FER: variants seen among roughly 807,000 people sequenced by gnomAD.
FER encodes the protein tyrosine-protein kinase Fer.
FER carries 63 observed loss-of-function variants against 111.0 expected under a neutral mutation model. The observed-to-expected ratio is 0.57, with a 90% CI of 0.46 to 0.70. The LOEUF (loss-of-function observed/expected upper bound fraction) is 0.70, where lower values mean the gene tolerates loss of function less well. Ranked by LOEUF, FER falls within the 30% of genes least tolerant of loss-of-function variation. The pLI, the probability that FER is intolerant of heterozygous loss-of-function variation, is 0.00. For missense variants in FER, 914 were observed against 954.0 expected (o/e 0.96, Z 0.55); for synonymous variants, 327 against 313.9 (o/e 1.04, Z -0.44).
intron 3 of FER, among the ~76,000 whole-genome samples, chr5:108,799,479 G>A (rs1259549929): frequency 6.6e-6 from 1 of 152,208 alleles, no homozygotes; most frequent in African/African-American, 2.4e-5. Flanking sequence ...TAAGAACCCA[G>A]TAATGTTCAT....
intron 17 of FER, among the ~76,000 whole-genome samples, chr5:109,106,027 A>G (rs149455696): frequency 2.0e-5 from 3 of 152,332 alleles, no homozygotes; most frequent in Admixed American, 6.5e-5. Flanking sequence ...CATATTAAAA[A>G]CAAGTGGTAG....
At chr5:108,873,146 T>C (rs2150251320) in intron 8 of FER, among the ~76,000 whole-genome samples, 1 of 152,264 alleles carries the variant, frequency 6.6e-6, no homozygotes, top group African/African-American at 2.4e-5. Context: ...TTTTTAATTT[T>C]ATTTCATTTT....
In FER at chr5:109,190,417, A is replaced by G. The variant is rs1168639706; in HGVS notation, c.*2842A>G. ...GTTCCTCTCATAAGTCCTTAAATTT[A>G]TTAAAAGGGGGAGGTAAACACAAGC... On this transcript the variant is annotated 3_prime_UTR_variant, in exon 20 of 20. Coordinates refer to ENST00000281092, the MANE Select transcript of FER (RefSeq NM_005246.4). 6.6e-6 allele frequency: 1 copy of G among 152,116 alleles called. No individual in the cohort carries two copies. Among genetic ancestry groups the G allele is most frequent in the South Asian group, 2.1e-4 (1 of 4,828 alleles). The allele number at this position is 152,116 out of a possible 1,614,324, so 9.4% of individuals were successfully genotyped here. A position where few individuals can be genotyped will look rare whatever the true frequency, so the allele number is the denominator to read the frequency against.
intron 13 of FER, among the ~76,000 whole-genome samples, chr5:108,968,826 C>G (rs569688014): frequency 6.6e-6 from 1 of 152,126 alleles, no homozygotes; most frequent in East Asian, 1.9e-4. Context: ...CTTCAATATA[C>G]AGTGTGCTAC....
chr5:109,030,191 T>A (rs578121225), intron 13 of FER, among the ~76,000 whole-genome samples: 1 of 152,320 alleles, frequency 6.6e-6, no homozygotes, highest in Non-Finnish European at 1.5e-5. Flanking sequence ...TCTGTTTCTA[T>A]GGCTGAGATA....
chr5:108,748,689 G>C (rs1750052009), intron 1 of FER: 1 of 152,326 alleles, frequency 6.6e-6, no homozygotes, highest in Admixed American at 6.5e-5. Context: ...CCCAGGGCCC[G>C]CAGCTTGGGC....
intron 13 of FER, among the ~76,000 whole-genome samples, chr5:108,999,036 C>T (rs1424032241): frequency 1.3e-5 from 2 of 151,946 alleles, no homozygotes; most frequent in African/African-American, 2.4e-5. Flanking sequence ...TATGAACTAA[C>T]TTTTAATTTT....
chr5:108,869,073 CAATAATGGAACACTAG>C (rs1764354803), intron 6 of FER, among the ~76,000 whole-genome samples: 1 of 151,920 alleles, frequency 6.6e-6, no homozygotes, highest in East Asian at 1.9e-4. Flanking sequence ...TTTAGTGTTC[CAATAATGGAACACTAG>C]TCATAAATGG....
chr5:108,973,287 A>AGCC (rs1320971499), intron 13 of FER, among the ~76,000 whole-genome samples: 1 of 152,166 alleles, frequency 6.6e-6, no homozygotes, highest in Admixed American at 6.5e-5. Context: ...CAAGGGAACG[A>AGCC]TTTAATTGTG....
At chr5:108,907,429 G>C (rs1435193576) in intron 10 of FER, among the ~76,000 whole-genome samples, 1 of 151,876 alleles carries the variant, frequency 6.6e-6, no homozygotes, top group Non-Finnish European at 1.5e-5. Flanking sequence ...GAGTAGCTGG[G>C]ATTACAGGTG....
At chr5:108,932,627 C>T (rs2149587181) in intron 10 of FER, among the ~76,000 whole-genome samples, 1 of 152,296 alleles carries the variant, frequency 6.6e-6, no homozygotes, top group South Asian at 2.1e-4. Context: ...AACTAATTTA[C>T]ACTCCCACCA....
intron 8 of FER, among the ~76,000 whole-genome samples, chr5:108,879,699 A>AT (rs1165401708): frequency 8.6e-4 from 80 of 93,502 alleles, no homozygotes; most frequent in African/African-American, 3.5e-3. Flanking sequence ...AGATTAAAAA[A>AT]AAATATATAT....
At chr5:109,157,495 C>T (rs74902868) in intron 17 of FER, among the ~76,000 whole-genome samples, 2 of 151,420 alleles carry the variant, frequency 1.3e-5, no homozygotes, top group African/African-American at 4.8e-5. Context: ...GTGTTTTATT[C>T]GATCACTGGC....
rs2126892106 is a variant in FER at position 109,187,826 on chromosome 5, A to G, written c.*251A>G. ...AATCCTACCATTTCAGGCCATTGCAAATAGAAAAGCACAGGCTTCTAAGTG... is the reference window on the plus strand; with the variant it reads ...AATCCTACCATTTCAGGCCATTGCAGATAGAAAAGCACAGGCTTCTAAGTG... On this transcript the variant is annotated 3_prime_UTR_variant, in exon 20 of 20. Transcript: ENST00000281092. 1 of 491,370 alleles carries G rather than the reference A, an allele frequency of 2.0e-6. No individual in the cohort carries two copies. The highest frequency in any genetic ancestry group is 3.6e-6 in the Non-Finnish European group (1 of 274,236). The allele number at this position is 491,370 out of a possible 1,614,324, so 30.4% of individuals were successfully genotyped here.
intron 17 of FER, among the ~76,000 whole-genome samples, chr5:109,109,741 A>G (rs1749373039): frequency 6.6e-6 from 1 of 152,170 alleles, no homozygotes; most frequent in Non-Finnish European, 1.5e-5. Flanking sequence ...GAAATGTTCC[A>G]GAAAAAGATA....
intron 10 of FER, among the ~76,000 whole-genome samples, chr5:108,928,042 A>G (rs186448175): frequency 6.6e-6 from 1 of 152,350 alleles, no homozygotes; most frequent in African/African-American, 2.4e-5. Context: ...CAGTAGCTGA[A>G]AGCAACCCTA....
chr5:109,085,568 T>G (rs1777474687), intron 16 of FER, among the ~76,000 whole-genome samples: 1 of 151,520 alleles, frequency 6.6e-6, no homozygotes, highest in South Asian at 2.1e-4. Flanking sequence ...AGCACTGGGA[T>G]AGATATTCAG....
chr5:108,912,146 G>A (rs914210157), intron 10 of FER, among the ~76,000 whole-genome samples: 3 of 152,146 alleles, frequency 2.0e-5, no homozygotes, highest in African/African-American at 4.8e-5. Flanking sequence ...GGAACTGTGA[G>A]TAAAGCCTCT....
At chr5:109,070,643 C>T (rs994909740) in intron 16 of FER, among the ~76,000 whole-genome samples, 6 of 151,708 alleles carry the variant, frequency 4.0e-5, no homozygotes, top group Non-Finnish European at 7.4e-5. Flanking sequence ...GAATTTAACT[C>T]TTGGCTCTAG....
Sources: gnomAD v4.1 joint callset for allele counts (sites outside exome capture counted in the v4.1 genomes callset) on GRCh38, gnomAD v4.1.1 for gene constraint, MANE v1.5 for transcripts, NCBI Gene and HGNC (gene_info 2026-07-23, HGNC 2026-07-21) for gene names.